Variants in FAM210B observed in about 807,000 individuals in gnomAD.
The protein encoded by FAM210B is mitochondrial inner membrane scaffold 2.
In FAM210B, 11 loss-of-function variants were observed where a neutral mutation model predicts 14.9. That is an observed-to-expected ratio of 0.74 (90% CI 0.46 to 1.22). FAM210B has a LOEUF of 1.22. Ranked by LOEUF, FAM210B falls within the 50% of genes most tolerant of loss-of-function variation. The pLI, the probability that FAM210B is intolerant of heterozygous loss-of-function variation, is 0.00. For missense variants in FAM210B, 229 were observed against 250.1 expected (o/e 0.92, Z 0.57); for synonymous variants, 113 against 110.2 (o/e 1.03, Z -0.16).
At chr20:56,364,341 C>T (rs1422460732) in intron 1 of FAM210B, among the ~76,000 whole-genome samples, 1 of 152,216 alleles carries the variant, frequency 6.6e-6, no homozygotes, top group Admixed American at 6.5e-5. Context: ...GCCCTTGCCT[C>T]CATAAGCCAG....
rs1473606185 is a variant in FAM210B at position 56,368,396 on chromosome 20, A to T, written c.*2109A>T. Reference sequence around the variant, plus strand: ...CTACAGGTTTAAGGGCTTAAATCTCAAACTTTGTTAGGAGTAACAGGAGCG... The same window carrying T: ...CTACAGGTTTAAGGGCTTAAATCTCTAACTTTGTTAGGAGTAACAGGAGCG... On this transcript the variant is annotated 3_prime_UTR_variant, in exon 3 of 3. Coordinates refer to ENST00000371384, the MANE Select transcript of FAM210B (RefSeq NM_080821.3). 6.6e-6 allele frequency: 1 copy of T among 152,524 alleles called. No homozygotes were observed. Among genetic ancestry groups the T allele is most frequent in the African/African-American group, 2.4e-5 (1 of 41,464 alleles). The allele number at this position is 152,524 out of a possible 1,614,324, so 9.4% of individuals were successfully genotyped here. A position where few individuals can be genotyped will look rare whatever the true frequency, so the allele number is the denominator to read the frequency against.
intron 2 of FAM210B, among the ~76,000 whole-genome samples, chr20:56,365,737 C>T (rs1022504291): frequency 6.6e-6 from 1 of 152,132 alleles, no homozygotes; most frequent in Non-Finnish European, 1.5e-5. Flanking sequence ...ATCTCTTGAC[C>T]TAGTGATCCG....
At chr20:56,361,610 C>T (rs1394285664) in intron 1 of FAM210B, among the ~76,000 whole-genome samples, 1 of 152,174 alleles carries the variant, frequency 6.6e-6, no homozygotes, top group Non-Finnish European at 1.5e-5. Flanking sequence ...CTCAGATCCT[C>T]TTCTGTTAAG....
At chr20:56,360,512 A>C in intron 1 of FAM210B, 1 of 216,390 alleles carries the variant, frequency 4.6e-6, no homozygotes. Context: ...TCCTCTCTCT[A>C]CTCACTTGTT....
At chr20:56,365,409 A>C in intron 2 of FAM210B, 147 bp downstream of exon 2, 27 of 835,824 alleles carry the variant, frequency 3.2e-5, no homozygotes, top group Non-Finnish European at 4.0e-5. Flanking sequence ...ATCACAGCTC[A>C]CTGCAGTCTC....
At position 56,367,659 on chromosome 20, in the gene FAM210B, G is replaced by C. The variant is rs1983667867; in HGVS notation, c.*1372G>C. On this transcript the variant is annotated 3_prime_UTR_variant, in exon 3 of 3. Transcript: ENST00000371384. ...TCCAAAAGAAAGAAATCCCAGCGTA[G>C]ATCCAAACTGAGACACTGAGGCTTC... 6.6e-6 allele frequency: 1 copy of C among 152,232 alleles called. No individual in the cohort carries two copies. Among genetic ancestry groups the C allele is most frequent in the African/African-American group, 2.4e-5 (1 of 41,422 alleles). 9.4% of individuals were successfully genotyped at this position (152,232 alleles called of 1,614,324 possible). A position where few individuals can be genotyped will look rare whatever the true frequency, so the allele number is the denominator to read the frequency against.
At chr20:56,364,402 TC>T (rs2146108729) in intron 1 of FAM210B, among the ~76,000 whole-genome samples, 1 of 152,200 alleles carries the variant, frequency 6.6e-6, no homozygotes, top group Admixed American at 6.5e-5. Flanking sequence ...CACAACCCCC[TC>T]CCCGACACTG....
At position 56,362,187 on chromosome 20, in the gene FAM210B, T is replaced by C. The variant is rs1282228488; in HGVS notation, c.187-2900T>C. On this transcript the variant is annotated intron_variant, in intron 1 of 2. Transcript: ENST00000371384. This position sits in a 1 kb window ranked among gnomAD's most constrained non-coding sequence, Gnocchi z 4.8. ...TTTATTATTAATATGATTTCTCAAGTGGAAGAAAACAGGTGTCACTCCAAA... is the reference window on the plus strand; with the variant it reads ...TTTATTATTAATATGATTTCTCAAGCGGAAGAAAACAGGTGTCACTCCAAA... Among the ~76,000 whole-genome samples the C allele has an allele frequency of 6.6e-6, 1 of 152,070 alleles. No homozygotes were observed. The highest frequency in any genetic ancestry group is 1.5e-5 in the Non-Finnish European group (1 of 68,030).
rs752080896 is a variant in FAM210B, at chr20:56,366,392, G to A, written c.*105G>A. Reference sequence around the variant, plus strand: ...GTAGGGTTTCTTTTGGAGAGGTAGGGGGCTAATTGCTATGTTCTCATGGAT... The same window carrying A: ...GTAGGGTTTCTTTTGGAGAGGTAGGAGGCTAATTGCTATGTTCTCATGGAT... On this transcript the variant is annotated 3_prime_UTR_variant, in exon 3 of 3. Coordinates refer to ENST00000371384, the MANE Select transcript of FAM210B (RefSeq NM_080821.3). 1.6e-4 allele frequency: 164 copies of A among 1,037,198 alleles called. 1 individual carries two copies. In the Middle Eastern group the frequency reaches 6.0e-3, roughly 38 times the overall value. The allele number at this position is 1,037,198 out of a possible 1,614,324, so 64.2% of individuals were successfully genotyped here.
At chr20:56,364,488 G>A (rs1204524422) in intron 1 of FAM210B, among the ~76,000 whole-genome samples, 3 of 152,260 alleles carry the variant, frequency 2.0e-5, no homozygotes, top group Non-Finnish European at 2.9e-5. Context: ...CAGGTAATCC[G>A]GGATCATCTC....
Position 56,359,253 on chromosome 20 carries a change from C to T in FAM210B, c.186+62C>T, listed in dbSNP as rs1983484834. The T allele has an allele frequency of 8.3e-7, 1 of 1,209,414 alleles. No homozygotes were observed. Among genetic ancestry groups the T allele is most frequent in the East Asian group, 3.3e-5 (1 of 30,050 alleles). 74.9% of individuals were successfully genotyped at this position (1,209,414 alleles called of 1,614,324 possible). A position where few individuals can be genotyped will look rare whatever the true frequency, so the allele number is the denominator to read the frequency against. On this transcript the variant is annotated intron_variant, in intron 1 of 2. Transcript: ENST00000371384. This position sits in a 1 kb window ranked among gnomAD's most constrained non-coding sequence, Gnocchi z 4.3. ...TCCAGGTCCCCAGACGTCCGCAGGG[C>T]CGCGCCGGGGTCCGGCCGCCTCCGC...
At chr20:56,364,406 C>T (rs949083024) in intron 1 of FAM210B, among the ~76,000 whole-genome samples, 14 of 152,184 alleles carry the variant, frequency 9.2e-5, no homozygotes, top group African/African-American at 3.4e-4. Context: ...ACCCCCTCCC[C>T]GACACTGAGT....
At chr20:56,364,779 C>A (rs1197935286) in intron 1 of FAM210B, among the ~76,000 whole-genome samples, 1 of 152,054 alleles carries the variant, frequency 6.6e-6, no homozygotes. Flanking sequence ...ACAGTGAAAC[C>A]CCATCTCTAC....
rs190100022 is a variant in FAM210B at position 56,359,011 on chromosome 20, C to A, written c.6C>A (p.Ala2=). M[A]GLLALLGPAG... ...GCTGCGCCTAGCTGCGCACCATGGC[C>A]GGGTTGCTGGCGTTGCTGGGTCCGG... Residue 2 remains alanine, a synonymous_variant, in exon 1 of 3, where the codon GCC becomes GCA. Transcript: ENST00000371384. This position sits in a 1 kb window ranked among gnomAD's most constrained non-coding sequence, Gnocchi z 4.3. The A allele has an allele frequency of 7.6e-7, 1 of 1,318,358 alleles. No homozygotes were observed. 81.7% of individuals were successfully genotyped at this position (1,318,358 alleles called of 1,614,324 possible). A position where few individuals can be genotyped will look rare whatever the true frequency, so the allele number is the denominator to read the frequency against.
rs1983693730 is a variant in FAM210B, at chr20:56,368,334, A to G, written c.*2047A>G. On this transcript the variant is annotated 3_prime_UTR_variant, in exon 3 of 3. Transcript: ENST00000371384. ...TGTCCCTAGTAATGCCTATGCAAAA[A>G]AAAAAAAAGAAAAAAAAGAAAAACT... 1 of 152,468 alleles carries G rather than the reference A, an allele frequency of 6.6e-6. No homozygotes were observed. The highest frequency in any genetic ancestry group is 6.5e-5 in the Admixed American group (1 of 15,272). 9.4% of individuals were successfully genotyped at this position (152,468 alleles called of 1,614,324 possible).
chr20:56,365,365 C>T (rs1983612372), intron 2 of FAM210B, 103 bp downstream of exon 2: 2 of 1,266,808 alleles, frequency 1.6e-6, no homozygotes, highest in Non-Finnish European at 1.1e-6. Context: ...GACAGGGTCT[C>T]ACTCCACTGC....
Position 56,362,950 on chromosome 20 carries a change from C to A in FAM210B, c.187-2137C>A, listed in dbSNP as rs1166945386. Among the ~76,000 whole-genome samples the A allele has an allele frequency of 6.6e-6, 1 of 152,238 alleles. No homozygotes were observed. The highest frequency in any genetic ancestry group is 2.4e-5 in the African/African-American group (1 of 41,458). On this transcript the variant is annotated intron_variant, in intron 1 of 2. Coordinates refer to ENST00000371384, the MANE Select transcript of FAM210B (RefSeq NM_080821.3). The surrounding 1 kb of genome is among the most constrained non-coding windows in gnomAD (Gnocchi z 4.8). ...CCTCCTATCAGTCCCCACCACCTGG[C>A]TGCTGTCCCCTCTGCAGCCTCCCTC...
intron 1 of FAM210B, chr20:56,360,181 G>T (rs1169423506): frequency 4.3e-6 from 2 of 470,566 alleles, no homozygotes; most frequent in Admixed American, 4.7e-5. Context: ...GCCTTCTCCA[G>T]TCCGACAGGT....
chr20:56,363,939 C>T lies in FAM210B; in HGVS notation c.187-1148C>T, dbSNP rs6014707. Among the ~76,000 whole-genome samples the T allele has an allele frequency of 0.26, 39,239 of 151,768 alleles. 7,762 individuals carry two copies. Among genetic ancestry groups the T allele is most frequent in the East Asian group, 0.61 (3,110 of 5,126 alleles). On this transcript the variant is annotated intron_variant, in intron 1 of 2. Transcript: ENST00000371384. The surrounding 1 kb of genome is among the most constrained non-coding windows in gnomAD (Gnocchi z 4.1). Reference sequence around the variant, plus strand: ...AGGGCCTGGGTTCTAATCTTGGTGACATCAGGCCAATGACCTCACCTCAGC... The same window carrying T: ...AGGGCCTGGGTTCTAATCTTGGTGATATCAGGCCAATGACCTCACCTCAGC...
Sources: allele counts gnomAD v4.1 joint callset (sites outside exome capture counted in the v4.1 genomes callset), GRCh38; gene constraint gnomAD v4.1.1; non-coding constraint Gnocchi (gnomAD v3.1); transcripts MANE v1.5; gene names NCBI Gene and HGNC (gene_info 2026-07-23, HGNC 2026-07-21).